Variants in CNTN1 observed in about 807,000 individuals in gnomAD.
The protein encoded by CNTN1 is contactin 1.
CNTN1 carries 38 observed loss-of-function variants against 126.4 expected under a neutral mutation model. The observed-to-expected ratio is 0.30, with a 90% CI of 0.23 to 0.39. The LOEUF is 0.39. CNTN1 is among the 10% of genes least tolerant of loss of function. The pLI, the probability that CNTN1 is intolerant of heterozygous loss-of-function variation, is 1.00. For synonymous variants in CNTN1, 413 were observed against 422.6 expected (o/e 0.98, Z 0.28); for missense variants, 1,009 against 1,248.4 (o/e 0.81, Z 2.89).
chr12:41,002,750 G>A (rs994066807), intron 17 of CNTN1, among the ~76,000 whole-genome samples: 1 of 151,840 alleles, frequency 6.6e-6, no homozygotes. Context: ...GTAGAGATGG[G>A]GTTTCACCAT....
chr12:40,770,222 A>G (rs1426283302), intron 1 of CNTN1, among the ~76,000 whole-genome samples: 2 of 152,138 alleles, frequency 1.3e-5, no homozygotes, highest in African/African-American at 4.8e-5. Flanking sequence ...TGGAGAATAA[A>G]TTGGCAGTCT....
chr12:40,961,002 T>A (rs552844703), intron 15 of CNTN1, among the ~76,000 whole-genome samples: 1 of 152,000 alleles, frequency 6.6e-6, no homozygotes, highest in Admixed American at 6.6e-5. Context: ...ATATTCAGAG[T>A]GAAGAGGAAT....
intron 1 of CNTN1, among the ~76,000 whole-genome samples, chr12:40,762,297 G>T (rs2136418069): frequency 6.6e-6 from 1 of 152,242 alleles, no homozygotes; most frequent in South Asian, 2.1e-4. Flanking sequence ...GCAAACCTTT[G>T]ACATTTTGTA....
chr12:40,848,162 T>C (rs1430569370), intron 1 of CNTN1, among the ~76,000 whole-genome samples: 5 of 152,294 alleles, frequency 3.3e-5, no homozygotes, highest in Non-Finnish European at 7.4e-5. Flanking sequence ...TTTCTAGGAA[T>C]AGTCAGCTTT....
chr12:40,795,823 G>T (rs917169883), intron 1 of CNTN1, among the ~76,000 whole-genome samples: 15 of 152,066 alleles, frequency 9.9e-5, no homozygotes, highest in African/African-American at 3.4e-4. Flanking sequence ...GTTGCTAACA[G>T]TTTTTATCAC....
rs370118779 is a variant in CNTN1, at chr12:40,943,579, A to G, written c.1380-18A>G. 113 of 1,521,514 alleles carry G rather than the reference A, an allele frequency of 7.4e-5. No homozygotes were observed. The highest frequency in any genetic ancestry group is 2.7e-4 in the Admixed American group (16 of 59,586). 94.3% of individuals were successfully genotyped at this position (1,521,514 alleles called of 1,614,324 possible). ...ACTAAATCAGGTTTGTGAATTATAT[A>G]TATTTTTATTTCACTAGAATACTCA... On this transcript the variant is annotated intron_variant, in intron 12 of 23. Coordinates refer to ENST00000551295, the MANE Select transcript of CNTN1 (RefSeq NM_001843.4).
At chr12:40,922,687 A>G (rs1945489222) in intron 5 of CNTN1, among the ~76,000 whole-genome samples, 1 of 152,098 alleles carries the variant, frequency 6.6e-6, no homozygotes, top group South Asian at 2.1e-4. Context: ...AAAAGTTAGC[A>G]TCAGGCTGGG....
intron 15 of CNTN1, among the ~76,000 whole-genome samples, chr12:40,976,272 C>T (rs1947667489): frequency 6.6e-6 from 1 of 152,040 alleles, no homozygotes; most frequent in African/African-American, 2.4e-5. Flanking sequence ...AAACAGAAGA[C>T]AAATTTGTCA....
intron 1 of CNTN1, among the ~76,000 whole-genome samples, chr12:40,873,845 A>G (rs1294296292): frequency 6.6e-6 from 1 of 152,108 alleles, no homozygotes; most frequent in African/African-American, 2.4e-5. Flanking sequence ...TTGCCCCCAA[A>G]CTAAATATGT....
chr12:41,033,760 C>T (rs1009604018), intron 23 of CNTN1, among the ~76,000 whole-genome samples: 2 of 151,684 alleles, frequency 1.3e-5, no homozygotes, highest in Non-Finnish European at 1.5e-5. Flanking sequence ...TGTCCTGGGC[C>T]GGGTGCAGTG....
chr12:40,850,783 T>C (rs1247778998), intron 1 of CNTN1, among the ~76,000 whole-genome samples: 1 of 152,160 alleles, frequency 6.6e-6, no homozygotes, highest in African/African-American at 2.4e-5. Flanking sequence ...TAGTGGGAGT[T>C]GTGGATAAGG....
intron 1 of CNTN1, among the ~76,000 whole-genome samples, chr12:40,825,849 A>G (rs887871445): frequency 3.1e-5 from 4 of 130,770 alleles, no homozygotes; most frequent in Non-Finnish European, 6.6e-5. Flanking sequence ...TAATGATGAA[A>G]TGCTGATGAT....
intron 1 of CNTN1, among the ~76,000 whole-genome samples, chr12:40,834,413 A>G (rs1486203277): frequency 1.3e-5 from 2 of 152,200 alleles, no homozygotes; most frequent in Non-Finnish European, 2.9e-5. Context: ...TTGATGGCTT[A>G]GGTTGGGAAT....
chr12:40,857,160 A>G (rs1942941053), intron 1 of CNTN1, among the ~76,000 whole-genome samples: 1 of 152,088 alleles, frequency 6.6e-6, no homozygotes, highest in Non-Finnish European at 1.5e-5. Context: ...ATTTAGAGAT[A>G]ATGATGTTTG....
At chr12:40,926,788 C>T (rs1346171997) in intron 6 of CNTN1, among the ~76,000 whole-genome samples, 2 of 151,954 alleles carry the variant, frequency 1.3e-5, no homozygotes, top group African/African-American at 2.4e-5. Flanking sequence ...TCTAGGTATA[C>T]TTTGGTTAAA....
At chr12:40,945,724 A>G (rs1193755817) in intron 14 of CNTN1, among the ~76,000 whole-genome samples, 1 of 146,828 alleles carries the variant, frequency 6.8e-6, no homozygotes, top group African/African-American at 2.6e-5. Context: ...GTCCCCTTTA[A>G]AAAAAAAAAC....
intron 1 of CNTN1, among the ~76,000 whole-genome samples, chr12:40,802,068 A>T (rs1199184985): frequency 6.6e-6 from 1 of 151,994 alleles, no homozygotes; most frequent in Admixed American, 6.6e-5. Flanking sequence ...GATGCCATTT[A>T]CTAGAAAAGG....
At chr12:41,025,668 C>A (rs1392084893) in intron 21 of CNTN1, among the ~76,000 whole-genome samples, 1 of 152,170 alleles carries the variant, frequency 6.6e-6, no homozygotes, top group Non-Finnish European at 1.5e-5. Context: ...ACATCAACAG[C>A]ATGTGAAAAC....
chr12:40,752,698 T>C (rs1176400847), intron 1 of CNTN1, among the ~76,000 whole-genome samples: 1 of 152,136 alleles, frequency 6.6e-6, no homozygotes, highest in South Asian at 2.1e-4. Flanking sequence ...TATTACTTAA[T>C]GTTTTACAAT....
Sources: gnomAD v4.1 joint callset for allele counts (sites outside exome capture counted in the v4.1 genomes callset) on GRCh38, gnomAD v4.1.1 for gene constraint, MANE v1.5 for transcripts, NCBI Gene and HGNC (gene_info 2026-07-23, HGNC 2026-07-21) for gene names.